ACSS2: variants seen among roughly 807,000 people sequenced by gnomAD.
The protein encoded by ACSS2 is acyl-CoA synthetase short chain family member 2.
ACSS2 carries 58 observed loss-of-function variants against 90.6 expected under a neutral mutation model. The ratio of observed to expected loss-of-function variants is 0.64; its 90% CI spans 0.52 to 0.80. ACSS2 has a LOEUF of 0.80. Among genes scored for constraint, ACSS2 ranks in the 30% least tolerant of loss-of-function variants. The pLI, the probability that ACSS2 is intolerant of heterozygous loss-of-function variation, is 0.00. For synonymous variants in ACSS2, 300 were observed against 330.9 expected (o/e 0.91, Z 1.01); for missense variants, 759 against 912.0 (o/e 0.83, Z 2.16).
chr20:34,890,567 C>T (rs903293124), intron 2 of ACSS2, among the ~76,000 whole-genome samples: 1 of 151,912 alleles, frequency 6.6e-6, no homozygotes, highest in African/African-American at 2.4e-5. Flanking sequence ...TGGTTGATGG[C>T]TGATATTCTG....
chr20:34,888,619 G>A (rs2080255865), intron 2 of ACSS2, among the ~76,000 whole-genome samples: 1 of 152,192 alleles, frequency 6.6e-6, no homozygotes, highest in South Asian at 2.1e-4. Context: ...ATAGAAACCA[G>A]TAAGTATATG....
chr20:34,894,463 C>T (rs6142254), intron 2 of ACSS2, among the ~76,000 whole-genome samples: 1 of 152,046 alleles, frequency 6.6e-6, no homozygotes, highest in Non-Finnish European at 1.5e-5. Flanking sequence ...GCACTCCGGC[C>T]TGGGTGACAG....
At chr20:34,883,273 C>G (rs1207606648) in intron 2 of ACSS2, among the ~76,000 whole-genome samples, 2 of 152,170 alleles carry the variant, frequency 1.3e-5, no homozygotes, top group African/African-American at 4.8e-5. Context: ...AGCTTTCTTC[C>G]TCATTCTTGC....
chr20:34,919,974 C>T (rs1963557724), intron 8 of ACSS2, among the ~76,000 whole-genome samples: 1 of 152,260 alleles, frequency 6.6e-6, no homozygotes, highest in Non-Finnish European at 1.5e-5. Context: ...TCTGCCAGCA[C>T]ACACCATGGG....
intron 2 of ACSS2, among the ~76,000 whole-genome samples, chr20:34,892,666 C>T (rs928250407): frequency 6.6e-6 from 1 of 152,208 alleles, no homozygotes; most frequent in African/African-American, 2.4e-5. Flanking sequence ...ATATAAAGGG[C>T]TTAGTGCTTG....
chr20:34,922,059 A>C, intron 13 of ACSS2, 193 bp downstream of exon 13: 1 of 1,337,038 alleles, frequency 7.5e-7, no homozygotes, highest in East Asian at 2.7e-5. Context: ...CTTTTGGGCC[A>C]TAAGTCTCCT....
chr20:34,915,328 T>C (rs1188140949), intron 7 of ACSS2: 3 of 1,592,766 alleles, frequency 1.9e-6, no homozygotes, highest in Non-Finnish European at 2.6e-6. Context: ...GCCCTTTGCC[T>C]GTTTGCCCCA....
chr20:34,884,248 T>C (rs2080136873), intron 2 of ACSS2, among the ~76,000 whole-genome samples: 1 of 152,234 alleles, frequency 6.6e-6, no homozygotes, highest in Non-Finnish European at 1.5e-5. Context: ...TGAGCCACCA[T>C]GTCTGGCCTG....
chr20:34,887,446 A>G (rs1357799795), intron 2 of ACSS2, among the ~76,000 whole-genome samples: 6 of 152,236 alleles, frequency 3.9e-5, no homozygotes, highest in African/African-American at 1.4e-4. Context: ...ATTTGGAAAG[A>G]CCAAATAGAT....
intron 13 of ACSS2, 124 bp from the exon 14 acceptor site, chr20:34,923,199 G>T: frequency 1.4e-6 from 1 of 704,644 alleles, no homozygotes. Flanking sequence ...TCCAAGCCAG[G>T]ATCCTCTGTC....
chr20:34,908,311 C>T (rs2080859142), intron 2 of ACSS2, among the ~76,000 whole-genome samples: 1 of 152,180 alleles, frequency 6.6e-6, no homozygotes, highest in African/African-American at 2.4e-5. Flanking sequence ...CGTGATTTGG[C>T]TGCTGCCTAC....
chr20:34,899,127 G>A (rs1192122044), intron 2 of ACSS2, among the ~76,000 whole-genome samples: 1 of 152,154 alleles, frequency 6.6e-6, no homozygotes, highest in Non-Finnish European at 1.5e-5. Flanking sequence ...ACGCCCACTC[G>A]GAACTCCAGC....
At chr20:34,878,352 A>G (rs2079979040) in intron 1 of ACSS2, among the ~76,000 whole-genome samples, 1 of 152,308 alleles carries the variant, frequency 6.6e-6, no homozygotes, top group East Asian at 1.9e-4. Context: ...TCTGCTGTTC[A>G]TTTACTGTGG....
chr20:34,880,273 G>A (rs1352855114), intron 1 of ACSS2, among the ~76,000 whole-genome samples: 1 of 152,152 alleles, frequency 6.6e-6, no homozygotes, highest in Non-Finnish European at 1.5e-5. Context: ...GCTGGGCGTG[G>A]TGGCCCACAC....
chr20:34,887,461 C>T (rs890248352), intron 2 of ACSS2, among the ~76,000 whole-genome samples: 3 of 152,198 alleles, frequency 2.0e-5, no homozygotes, highest in Admixed American at 6.5e-5. Flanking sequence ...ATAGATTGGC[C>T]GGGCACAATG....
chr20:34,919,543 T>C lies in ACSS2; in HGVS notation c.943T>C (p.Tyr315His). 1 of 1,611,430 alleles carries C rather than the reference T, an allele frequency of 6.2e-7. No homozygotes were observed. The highest frequency in any genetic ancestry group is 8.5e-7 in the Non-Finnish European group (1 of 1,179,876). Residue 315 changes from tyrosine to histidine, a missense_variant, in exon 8 of 18, where the codon TAC becomes CAC. Transcript: ENST00000360596. Reference protein sequence around the residue: ...CDAEDPLFILYTSGSTGKPKG... With the variant: ...CDAEDPLFILHTSGSTGKPKG... ...TGCCGAGGACCCACTCTTCATCCTG[T>C]ACACCAGTGGCTCCACAGGCAAACC...
intron 7 of ACSS2, among the ~76,000 whole-genome samples, chr20:34,917,743 G>T (rs912896757): frequency 1.6e-4 from 25 of 151,688 alleles, no homozygotes; most frequent in East Asian, 3.9e-4. Flanking sequence ...GGTTTTTTTT[G>T]TTGTTTTTGT....
Position 34,927,354 on chromosome 20 carries a change from G to A in ACSS2, c.*140G>A. ...CTGTCTGGGACCGGAAACCAGCTTT[G>A]TCTCCAGGTAGAGACAACATCCTGT... On this transcript the variant is annotated 3_prime_UTR_variant, in exon 18 of 18. Transcript: ENST00000360596. The surrounding 1 kb of genome is among the most constrained non-coding windows in gnomAD (Gnocchi z 4.2). 1 of 1,185,434 alleles carries A rather than the reference G, an allele frequency of 8.4e-7. No individual in the cohort carries two copies. Among genetic ancestry groups the A allele is most frequent in the Non-Finnish European group, 1.2e-6 (1 of 830,366 alleles). 73.4% of individuals were successfully genotyped at this position (1,185,434 alleles called of 1,614,324 possible). A position where few individuals can be genotyped will look rare whatever the true frequency, so the allele number is the denominator to read the frequency against.
chr20:34,905,156 A>C (rs1004535648), intron 2 of ACSS2, among the ~76,000 whole-genome samples: 7 of 152,178 alleles, frequency 4.6e-5, no homozygotes, highest in African/African-American at 1.2e-4. Flanking sequence ...GTCCTCAAAC[A>C]GTCCTCCTGC....
Sources: gnomAD v4.1 joint callset for allele counts (sites outside exome capture counted in the v4.1 genomes callset) on GRCh38, gnomAD v4.1.1 for gene constraint, Gnocchi (gnomAD v3.1) non-coding constraint, MANE v1.5 for transcripts, NCBI Gene and HGNC (gene_info 2026-07-23, HGNC 2026-07-21) for gene names.